Variants in USO1 observed in about 807,000 individuals in gnomAD.
USO1 encodes general vesicular transport factor p115.
USO1 carries 57 observed loss-of-function variants against 124.5 expected under a neutral mutation model. The ratio of observed to expected loss-of-function variants is 0.46; its 90% CI spans 0.37 to 0.57. The LOEUF is 0.57. Among genes scored for constraint, USO1 ranks in the 20% least tolerant of loss-of-function variants. USO1 has a pLI of 0.00. For synonymous variants in USO1, 369 were observed against 362.8 expected, an observed-to-expected ratio of 1.02 and a Z score of -0.19; for missense variants, 900 against 1,040.6, an observed-to-expected ratio of 0.86 and a Z score of 1.86.
rs571869583 is a variant in USO1 at position 75,724,983 on chromosome 4, T to A, written c.66+98T>A. ...GAAGGTCACCTCCAGCGTCCCACCA[T>A]GGAGGGGGCATCCACATGCCGCCTC... On this transcript the variant is annotated intron_variant, in intron 1 of 23. Transcript: ENST00000514213. 2.3e-5 allele frequency: 31 copies of A among 1,369,738 alleles called. No homozygotes were observed. The African/African-American group carries it at 4.3e-4, about 19-fold the overall frequency. 84.8% of individuals were successfully genotyped at this position (1,369,738 alleles called of 1,614,324 possible).
chr4:75,774,701 CAAG>C lies in USO1; in HGVS notation c.585_587del (p.Arg195del). 6.2e-7 allele frequency: 1 copy of C among 1,613,364 alleles called. No homozygotes were observed. On this transcript the variant is annotated inframe_deletion, in exon 8 of 24. Coordinates refer to ENST00000514213, the MANE Select transcript of USO1 (RefSeq NM_003715.4). ...GGCGTCTTACTACTGCAGGCACTAA[CAAG>C]AAGCAATGGTGCAATCCAGAAAATT...
intron 1 of USO1, among the ~76,000 whole-genome samples, chr4:75,744,044 G>A (rs1347628969): frequency 6.6e-6 from 1 of 152,152 alleles, no homozygotes; most frequent in African/African-American, 2.4e-5. Context: ...CCAAAGTGCT[G>A]GGATTACAGG....
chr4:75,812,968 G>A (rs1295573982), intron 23 of USO1, among the ~76,000 whole-genome samples: 8 of 152,010 alleles, frequency 5.3e-5, no homozygotes, highest in African/African-American at 1.9e-4. Flanking sequence ...AAAATTAGCA[G>A]GGCGCTTGGT....
chr4:75,769,344 G>A (rs1721857346), intron 4 of USO1, among the ~76,000 whole-genome samples: 1 of 152,146 alleles, frequency 6.6e-6, no homozygotes, highest in Non-Finnish European at 1.5e-5. Flanking sequence ...GATAAACCCA[G>A]CATATTTAGG....
At chr4:75,726,268 CGAAACT>C (rs2149133365) in intron 1 of USO1, among the ~76,000 whole-genome samples, 2 of 118,776 alleles carry the variant, frequency 1.7e-5, no homozygotes, top group South Asian at 5.0e-4. Context: ...GCAACAAGAG[CGAAACT>C]CTGTCTCAAA....
intron 1 of USO1, among the ~76,000 whole-genome samples, chr4:75,729,017 C>G (rs147942809): frequency 1.3e-5 from 2 of 152,086 alleles, no homozygotes; most frequent in South Asian, 4.1e-4. Flanking sequence ...AGGATGGTCT[C>G]GATCTCCTGA....
Position 75,724,610 on chromosome 4 carries a change from A to T in USO1, c.-210A>T. The T allele has an allele frequency of 3.5e-6, 2 of 571,708 alleles. No individual in the cohort carries two copies. The highest frequency in any genetic ancestry group is 6.2e-6 in the Non-Finnish European group (2 of 320,860). The allele number at this position is 571,708 out of a possible 1,614,324, so 35.4% of individuals were successfully genotyped here. On this transcript the variant is annotated 5_prime_UTR_variant, in exon 1 of 24. It removes an upstream start codon present in the reference 5' UTR. Coordinates refer to ENST00000514213, the MANE Select transcript of USO1 (RefSeq NM_003715.4). ...CCTTCAACCTTCGAGCCGCCACGTAATGCCACGTCCCCGCGCATGCGCATC... is the reference window on the plus strand; with the variant it reads ...CCTTCAACCTTCGAGCCGCCACGTATTGCCACGTCCCCGCGCATGCGCATC...
chr4:75,802,601 A>G (rs946496940), intron 17 of USO1, among the ~76,000 whole-genome samples: 1 of 152,194 alleles, frequency 6.6e-6, no homozygotes, highest in Non-Finnish European at 1.5e-5. Flanking sequence ...CAGGAAAACA[A>G]TTATATGGAC....
chr4:75,796,676 G>A (rs538458842), intron 13 of USO1, among the ~76,000 whole-genome samples: 11 of 151,662 alleles, frequency 7.3e-5, no homozygotes, highest in East Asian at 5.8e-4. Context: ...CTCTTTTATC[G>A]TGTAAAATCT....
intron 1 of USO1, among the ~76,000 whole-genome samples, chr4:75,732,876 T>A (rs1461228279): frequency 1.2e-4 from 6 of 48,184 alleles, no homozygotes; most frequent in African/African-American, 2.9e-4. Flanking sequence ...AGATTCCATC[T>A]AAAAAAAAAA....
chr4:75,735,521 A>T (rs1358675960), intron 1 of USO1, among the ~76,000 whole-genome samples: 1 of 151,432 alleles, frequency 6.6e-6, no homozygotes, highest in African/African-American at 2.4e-5. Context: ...TAATCTTTTG[A>T]TAGTTTTTCT....
intron 10 of USO1, 85 bp from the exon 11 acceptor site, chr4:75,790,065 A>G (rs1294083938): frequency 2.2e-6 from 3 of 1,389,948 alleles, no homozygotes; most frequent in Non-Finnish European, 2.8e-6. Flanking sequence ...AAAACAAAAA[A>G]AAAAGATTTT....
intron 15 of USO1, 47 bp downstream of exon 15, chr4:75,800,516 T>C: frequency 1.4e-6 from 2 of 1,481,332 alleles, no homozygotes; most frequent in East Asian, 2.5e-5. Context: ...GAGATAATGA[T>C]GCTTTTTTTT....
chr4:75,744,920 A>T, intron 1 of USO1: 1 of 508,928 alleles, frequency 2.0e-6, no homozygotes, highest in Non-Finnish European at 3.9e-6. Context: ...GCTCTAAAAC[A>T]AATTTCTAGA....
At chr4:75,768,255 A>C (rs1211869953) in intron 4 of USO1, among the ~76,000 whole-genome samples, 1 of 152,042 alleles carries the variant, frequency 6.6e-6, no homozygotes, top group Non-Finnish European at 1.5e-5. Flanking sequence ...AGCTTAAACA[A>C]TTCTGCCTCA....
At chr4:75,725,106 C>T (rs773563548) in intron 1 of USO1, 28 of 586,828 alleles carry the variant, frequency 4.8e-5, no homozygotes, top group Non-Finnish European at 7.2e-5. Context: ...TGACGGCGGC[C>T]GCGCCCCGCA....
intron 1 of USO1, among the ~76,000 whole-genome samples, chr4:75,741,120 T>C (rs1720947286): frequency 6.6e-6 from 1 of 152,224 alleles, no homozygotes; most frequent in Admixed American, 6.5e-5. Context: ...GGCTGTATGG[T>C]GTAGCCTATT....
intron 1 of USO1, among the ~76,000 whole-genome samples, chr4:75,727,135 T>C (rs1278864456): frequency 1.3e-5 from 2 of 152,210 alleles, no homozygotes; most frequent in Admixed American, 6.5e-5. Flanking sequence ...GTAGAAAAGA[T>C]GGAATAGAAT....
At chr4:75,770,774 G>A (rs759633958) in intron 5 of USO1, 48 bp from the exon 6 acceptor site, 110 of 1,572,924 alleles carry the variant, frequency 7.0e-5, no homozygotes, top group Middle Eastern at 3.4e-4. Flanking sequence ...TGTTTTTCTC[G>A]AAAATGTGAA....
Sources: allele counts gnomAD v4.1 joint callset (sites outside exome capture counted in the v4.1 genomes callset), GRCh38; gene constraint gnomAD v4.1.1; transcripts MANE v1.5; gene names NCBI Gene and HGNC (gene_info 2026-07-23, HGNC 2026-07-21).